CFAP44: variants seen among roughly 807,000 people sequenced by gnomAD.
The protein encoded by CFAP44 is cilia and flagella associated protein 44, also known as cilia- and flagella-associated protein 44.
Under a neutral mutation model 216.2 loss-of-function variants are expected in CFAP44, and 134 were observed. The ratio of observed to expected loss-of-function variants is 0.62; its 90% CI spans 0.54 to 0.72. CFAP44 has a LOEUF of 0.72. Ranked by LOEUF, CFAP44 falls within the 30% of genes least tolerant of loss-of-function variation. The pLI, the probability that CFAP44 is intolerant of heterozygous loss-of-function variation, is 0.00. For missense variants in CFAP44, 2,035 were observed against 2,182.1 expected (o/e 0.93, Z 1.34); for synonymous variants, 700 against 727.6 (o/e 0.96, Z 0.61).
intron 24 of CFAP44, among the ~76,000 whole-genome samples, chr3:113,335,668 A>T (rs901060283): frequency 7.9e-5 from 12 of 152,214 alleles, no homozygotes; most frequent in Non-Finnish European, 1.6e-4. Context: ...ATTCAAGAAT[A>T]ATCATAAAAA....
intron 29 of CFAP44, 47 bp downstream of exon 29, chr3:113,308,111 A>G (rs1327599061): frequency 5.6e-6 from 8 of 1,425,008 alleles, no homozygotes; most frequent in Non-Finnish European, 7.5e-6. Flanking sequence ...AGTATTGCCA[A>G]TCAATATTCA....
intron 16 of CFAP44, 32 bp downstream of exon 16, chr3:113,380,867 T>A (rs1374287527): frequency 6.7e-7 from 1 of 1,490,860 alleles, no homozygotes; most frequent in Non-Finnish European, 9.0e-7. Flanking sequence ...AAGGAAATTA[T>A]TATAAGATAA....
In CFAP44 at chr3:113,427,202, A is replaced by G. The variant is rs1934985699; in HGVS notation, c.238T>C (p.Leu80=). 6.2e-7 allele frequency: 1 copy of G among 1,612,860 alleles called. No homozygotes were observed. Among genetic ancestry groups the G allele is most frequent in the Non-Finnish European group, 8.5e-7 (1 of 1,179,678 alleles). Residue 80 remains leucine (L), a synonymous_variant, in exon 3 of 35, where the codon TTG becomes CTG. Transcript: ENST00000393845. The part of the protein sequence containing the change: ...GSLSSFQYGD[L]QSTTVPQQTP... ...TAATACCTACCTGTAGTGCTTTGCAAATCACCATACTGAAATGAACTCAAA... is the reference window on the plus strand; with the variant it reads ...TAATACCTACCTGTAGTGCTTTGCAGATCACCATACTGAAATGAACTCAAA...
Position 113,373,496 on chromosome 3 carries a change from C to T in CFAP44, c.2359G>A (p.Asp787Asn), listed in dbSNP as rs767990330. 18 of 1,607,940 alleles carry T rather than the reference C, an allele frequency of 1.1e-5. No homozygotes were observed. Among genetic ancestry groups the T allele is most frequent in the Admixed American group, 1.7e-5 (1 of 59,278 alleles). Residue 787 changes from aspartate (D) to asparagine (N), a missense_variant, in exon 18 of 35, where the codon GAT (aspartate) becomes AAT (asparagine). By Grantham distance (23) the Asp-to-Asn change is conservative. Coordinates refer to ENST00000393845, the MANE Select transcript of CFAP44 (RefSeq NM_001164496.2). ...GGTTCATCTTTTTGTTCTTTGAAATCACTGCTTTCATCACAAGGGGGGAAC... is the reference window on the plus strand; with the variant it reads ...GGTTCATCTTTTTGTTCTTTGAAATTACTGCTTTCATCACAAGGGGGGAAC... The part of the protein sequence containing the change: ...CEFPPCDESS[D>N]FKEQKDEPID...
intron 6 of CFAP44, among the ~76,000 whole-genome samples, chr3:113,413,965 CACA>C (rs1030662427): frequency 6.6e-6 from 1 of 152,184 alleles, no homozygotes; most frequent in Non-Finnish European, 1.5e-5. Flanking sequence ...TGGCCATTTT[CACA>C]ACATTGATTC....
At chr3:113,328,624 A>C (rs6773285) in intron 26 of CFAP44, among the ~76,000 whole-genome samples, 5,259 of 143,622 alleles carry the variant, frequency 0.037, 291 homozygotes, top group African/African-American at 0.12. Flanking sequence ...GTGAGGACCC[A>C]GACTGGGGCT....
Position 113,363,540 on chromosome 3 carries a change from A to G in CFAP44, c.2716-8T>C, listed in dbSNP as rs769077379. 1.8e-5 allele frequency: 29 copies of G among 1,604,244 alleles called. No individual in the cohort carries two copies. Among genetic ancestry groups the G allele is most frequent in the Middle Eastern group, 1.7e-4 (1 of 6,042 alleles). The stretch of plus-strand genomic sequence containing the variant: ...CTCTGTTTCAATTCCAAACTATAGG[A>G]AGGGAAGTAAAAGGTTAGCCCTTTA... On this transcript the variant is annotated splice_polypyrimidine_tract_variant and splice_region_variant and intron_variant, in intron 19 of 34. Coordinates refer to ENST00000393845, the MANE Select transcript of CFAP44 (RefSeq NM_001164496.2).
intron 26 of CFAP44, among the ~76,000 whole-genome samples, chr3:113,329,339 T>C (rs1190314967): frequency 1.3e-5 from 2 of 152,060 alleles, no homozygotes; most frequent in Non-Finnish European, 2.9e-5. Context: ...TCATTACTGG[T>C]GGAAGGAAGT....
At chr3:113,379,128 T>C (rs1481512589) in intron 17 of CFAP44, among the ~76,000 whole-genome samples, 178 bp downstream of exon 17, 1 of 152,034 alleles carries the variant, frequency 6.6e-6, no homozygotes, top group Admixed American at 6.6e-5. Flanking sequence ...TAAAAACAAC[T>C]ATATCCCACA....
intron 28 of CFAP44, among the ~76,000 whole-genome samples, chr3:113,324,058 A>AAAAAAAAAAAAAAAAAAG (rs1553753480): frequency 3.3e-5 from 5 of 151,506 alleles, no homozygotes; most frequent in African/African-American, 4.9e-5. Context: ...AAAAAAAAAA[A>AAAAAAAAAAAAAAAAAAG]AGAGAGAAAT....
At chr3:113,369,641 C>A (rs1163919666) in intron 18 of CFAP44, among the ~76,000 whole-genome samples, 2 of 152,064 alleles carry the variant, frequency 1.3e-5, no homozygotes, top group African/African-American at 4.8e-5. Context: ...GACTTAAAAT[C>A]AACACCCTAA....
In CFAP44 at chr3:113,403,907, T is replaced by C. The variant is rs1194007505; in HGVS notation, c.1115A>G (p.Gln372Arg). 31 of 1,614,188 alleles carry C rather than the reference T, an allele frequency of 1.9e-5. No individual in the cohort carries two copies. The highest frequency in any genetic ancestry group is 2.6e-5 in the Non-Finnish European group (31 of 1,180,016). ...SKSCHNGPIN[Q>R]IMLYEGEVIT... ...AACTTCACCCTCATACAGCATTATC[T>C]GGTTAATGGGACCATTGTGACATGA... Residue 372 changes from glutamine (Q) to arginine (R), a missense_variant, in exon 9 of 35, where the codon CAG becomes CGG. Gln to Arg is a conservative substitution (Grantham distance 43). This residue lies in a region of CFAP44 where 1,883 missense variants were observed against 2,023.7 expected (regional missense o/e 0.93). Transcript: ENST00000393845.
chr3:113,312,595 G>A (rs952546446), intron 28 of CFAP44, among the ~76,000 whole-genome samples: 8 of 152,244 alleles, frequency 5.3e-5, no homozygotes, highest in Admixed American at 2.0e-4. Context: ...AGGGCATGTC[G>A]GAGGCCTTCA....
At chr3:113,354,917 C>G (rs1341134232) in intron 22 of CFAP44, among the ~76,000 whole-genome samples, 1 of 152,160 alleles carries the variant, frequency 6.6e-6, no homozygotes, top group Non-Finnish European at 1.5e-5. Flanking sequence ...AACCAAGGAC[C>G]CTCACAGAGT....
intron 2 of CFAP44, among the ~76,000 whole-genome samples, chr3:113,431,231 G>C (rs1387293397): frequency 6.6e-6 from 1 of 152,138 alleles, no homozygotes; most frequent in African/African-American, 2.4e-5. Context: ...AGGATGTTCA[G>C]AATGCCAGAA....
At chr3:113,303,356 A>C (rs1357331135) in intron 32 of CFAP44, among the ~76,000 whole-genome samples, 2 of 152,252 alleles carry the variant, frequency 1.3e-5, no homozygotes, top group African/African-American at 4.8e-5. Flanking sequence ...TAAATAAAAT[A>C]TTTAATATTC....
intron 34 of CFAP44, among the ~76,000 whole-genome samples, chr3:113,292,282 C>T (rs1000566885): frequency 2.0e-5 from 3 of 152,018 alleles, no homozygotes; most frequent in African/African-American, 4.8e-5. Flanking sequence ...CATTCTGAAC[C>T]ATGTAATATT....
chr3:113,420,316 T>C, intron 4 of CFAP44, 137 bp from the exon 5 acceptor site: 2 of 868,092 alleles, frequency 2.3e-6, no homozygotes, highest in Non-Finnish European at 3.1e-6. Context: ...ACCCTGAAAC[T>C]CATGATTTTT....
chr3:113,371,212 C>A (rs142166823), intron 18 of CFAP44, among the ~76,000 whole-genome samples: 3,714 of 152,252 alleles, frequency 0.024, 84 homozygotes, highest in Non-Finnish European at 0.038. Flanking sequence ...ACTTTCTTCA[C>A]AGAATTGGAA....
Sources: gnomAD v4.1 joint callset for allele counts (sites outside exome capture counted in the v4.1 genomes callset) on GRCh38, gnomAD v4.1.1 for gene constraint, gnomAD v4.1.1 regional missense constraint, MANE v1.5 for transcripts, NCBI Gene and HGNC (gene_info 2026-07-23, HGNC 2026-07-21) for gene names.